RBFOX1: variants seen among roughly 807,000 people sequenced by gnomAD.
RBFOX1 encodes the protein RNA binding protein fox-1 homolog 1.
In RBFOX1, 8 loss-of-function variants were observed where a neutral mutation model predicts 57.7. The observed-to-expected ratio is 0.14, with a 90% CI of 0.08 to 0.25. The LOEUF is 0.25. RBFOX1 is among the 10% of genes least tolerant of loss of function. RBFOX1 has a pLI of 1.00. For missense variants in RBFOX1, 611 were observed against 548.5 expected, an observed-to-expected ratio of 1.11 and a Z score of -1.14; for synonymous variants, 326 against 222.4, an observed-to-expected ratio of 1.47 and a Z score of -4.15.
intron 1 of RBFOX1, among the ~76,000 whole-genome samples, chr16:5,290,523 G>T (rs555213772): frequency 6.6e-6 from 1 of 152,206 alleles, no homozygotes; most frequent in Non-Finnish European, 1.5e-5. Flanking sequence ...TTTTAAATGG[G>T]CAAATCATAC....
chr16:7,694,577 C>G (rs776636309), intron 14 of RBFOX1, among the ~76,000 whole-genome samples: 2 of 152,152 alleles, frequency 1.3e-5, no homozygotes, highest in South Asian at 2.1e-4. Flanking sequence ...TCTATAAAAC[C>G]TCTTTGCTGA....
At chr16:6,753,119 A>G (rs970926417) in intron 3 of RBFOX1, among the ~76,000 whole-genome samples, 4 of 152,312 alleles carry the variant, frequency 2.6e-5, no homozygotes, top group East Asian at 3.9e-4. Flanking sequence ...CATCATGTAT[A>G]CTGAAACTTG....
chr16:6,982,492 G>A (rs530778353), intron 3 of RBFOX1, among the ~76,000 whole-genome samples: 44 of 152,244 alleles, frequency 2.9e-4, no homozygotes, highest in African/African-American at 1.0e-3. Context: ...TCGTTGACGA[G>A]GTGGATCCTG....
At chr16:5,740,439 C>G (rs771137113) in intron 3 of RBFOX1, among the ~76,000 whole-genome samples, 4 of 152,212 alleles carry the variant, frequency 2.6e-5, no homozygotes, top group African/African-American at 7.2e-5. Flanking sequence ...GGACACTATT[C>G]AAAGCACATT....
At chr16:5,916,589 C>T (rs77317575) in intron 4 of RBFOX1, among the ~76,000 whole-genome samples, 2,781 of 152,192 alleles carry the variant, frequency 0.018, 72 homozygotes, top group African/African-American at 0.064. Flanking sequence ...TCCTCCACTG[C>T]TTCCCAGCTT....
intron 11 of RBFOX1, among the ~76,000 whole-genome samples, chr16:7,641,792 T>A (rs1287947059): frequency 6.6e-6 from 1 of 152,196 alleles, no homozygotes; most frequent in Non-Finnish European, 1.5e-5. Flanking sequence ...TGCTGTGACC[T>A]TGGCCAAGTC....
At chr16:6,891,059 G>A (rs532748166) in intron 3 of RBFOX1, among the ~76,000 whole-genome samples, 8 of 152,170 alleles carry the variant, frequency 5.3e-5, no homozygotes, top group African/African-American at 1.4e-4. Flanking sequence ...CATGTTCCCC[G>A]TCCCTTCACA....
chr16:6,404,575 A>G (rs778005920), intron 2 of RBFOX1, among the ~76,000 whole-genome samples: 1 of 152,014 alleles, frequency 6.6e-6, no homozygotes, highest in East Asian at 1.9e-4. Context: ...TTAGTTTTTG[A>G]TCCTTTTTCT....
chr16:6,385,276 A>T (rs2092171278), intron 2 of RBFOX1, among the ~76,000 whole-genome samples: 2 of 151,984 alleles, frequency 1.3e-5, no homozygotes, highest in Admixed American at 6.6e-5. Flanking sequence ...CTGGGTTCGA[A>T]CTCTGCCTTT....
intron 3 of RBFOX1, among the ~76,000 whole-genome samples, chr16:5,661,486 A>C (rs2049648677): frequency 6.6e-6 from 1 of 152,208 alleles, no homozygotes; most frequent in Non-Finnish European, 1.5e-5. Flanking sequence ...TCTCCAGTAG[A>C]TATCCAGATT....
At chr16:6,041,604 A>G (rs1051923744) in intron 1 of RBFOX1, among the ~76,000 whole-genome samples, 5 of 152,184 alleles carry the variant, frequency 3.3e-5, no homozygotes, top group African/African-American at 1.2e-4. Flanking sequence ...TAAGTGGCAG[A>G]GCCAGGATGC....
intron 4 of RBFOX1, among the ~76,000 whole-genome samples, chr16:5,999,714 A>C (rs2060555045): frequency 1.3e-5 from 2 of 151,790 alleles, no homozygotes; most frequent in African/African-American, 4.8e-5. Flanking sequence ...ACAAAAAATT[A>C]GCCGGGCTTG....
intron 4 of RBFOX1, among the ~76,000 whole-genome samples, chr16:7,053,743 G>A (rs559083041): frequency 1.3e-5 from 2 of 152,294 alleles, no homozygotes; most frequent in African/African-American, 2.4e-5. Flanking sequence ...AATGCAGGGA[G>A]TGGCTTGATA....
At chr16:6,630,963 T>G (rs1299324375) in intron 2 of RBFOX1, among the ~76,000 whole-genome samples, 4 of 152,074 alleles carry the variant, frequency 2.6e-5, no homozygotes, top group Non-Finnish European at 5.9e-5. Context: ...ATTGAATGCA[T>G]TTAGATTTGG....
rs368970566 is a variant in RBFOX1 at position 5,900,151 on chromosome 16, C to T, written c.351+32816C>T. 1.5e-4 allele frequency among the ~76,000 whole-genome samples: 23 copies of T among 152,282 alleles called. No individual in the cohort carries two copies. In the East Asian group the frequency reaches 2.3e-3, roughly 15 times the overall value. On this transcript the variant is annotated intron_variant, in intron 4 of 19. Coordinates refer to the RBFOX1 transcript ENST00000641259. ...TGCTTATATTGTACCTTTGTTTGGG[C>T]AGTTTATTGACTAATATCTAAGCTT...
At chr16:6,526,735 C>T (rs2096583165) in intron 2 of RBFOX1, among the ~76,000 whole-genome samples, 2 of 141,894 alleles carry the variant, frequency 1.4e-5, no homozygotes, top group Admixed American at 7.8e-5. Context: ...GAGGCTGAGG[C>T]AGGAGAATGG....
At chr16:7,215,638 C>T (rs1436949647) in intron 4 of RBFOX1, among the ~76,000 whole-genome samples, 2 of 151,972 alleles carry the variant, frequency 1.3e-5, no homozygotes, top group Admixed American at 6.5e-5. Flanking sequence ...AAAAGATCCT[C>T]GGGCAGATTA....
chr16:5,420,962 C>G (rs1231220549), intron 1 of RBFOX1, among the ~76,000 whole-genome samples: 3 of 133,964 alleles, frequency 2.2e-5, no homozygotes, highest in South Asian at 2.5e-4. Context: ...TCCTCCTCCT[C>G]CTTTTCCTCC....
intron 3 of RBFOX1, among the ~76,000 whole-genome samples, chr16:5,689,685 T>A (rs1179796548): frequency 6.6e-6 from 1 of 152,036 alleles, no homozygotes; most frequent in East Asian, 1.9e-4. Context: ...CATTCGTACA[T>A]CAGATATATA....
Sources: gnomAD v4.1 joint callset for allele counts (sites outside exome capture counted in the v4.1 genomes callset) on GRCh38, gnomAD v4.1.1 for gene constraint, MANE v1.5 for transcripts, NCBI Gene and HGNC (gene_info 2026-07-23, HGNC 2026-07-21) for gene names.